The following RBMS3 variants were observed in gnomAD, a reference collection of about 807,000 sequenced individuals.
RBMS3 encodes the protein RNA-binding motif, single-stranded-interacting protein 3.
Under a neutral mutation model 66.8 loss-of-function variants are expected in RBMS3, and 27 were observed. That is an observed-to-expected ratio of 0.40 (90% CI 0.30 to 0.56). The LOEUF is 0.56. RBMS3 is among the 20% of genes least tolerant of loss of function. The pLI, the probability that RBMS3 is intolerant of heterozygous loss-of-function variation, is 0.40. For missense variants in RBMS3, 513 were observed against 549.5 expected, an observed-to-expected ratio of 0.93 and a Z score of 0.66; for synonymous variants, 188 against 183.0, an observed-to-expected ratio of 1.03 and a Z score of -0.22.
At chr3:29,373,408 T>C (rs1361232626) in intron 1 of RBMS3, among the ~76,000 whole-genome samples, 1 of 152,186 alleles carries the variant, frequency 6.6e-6, no homozygotes, top group African/African-American at 2.4e-5. Context: ...TGCACATATG[T>C]AAGGAATAAT....
At chr3:29,286,234 T>G (rs2032318086) in intron 1 of RBMS3, among the ~76,000 whole-genome samples, 1 of 152,114 alleles carries the variant, frequency 6.6e-6, no homozygotes, top group Non-Finnish European at 1.5e-5. Flanking sequence ...CTGTATAGAA[T>G]TTTTAATTGG....
chr3:29,432,797 C>A (rs1190861427), intron 1 of RBMS3, among the ~76,000 whole-genome samples: 1 of 152,130 alleles, frequency 6.6e-6, no homozygotes, highest in Non-Finnish European at 1.5e-5. Context: ...TGGATTAGAG[C>A]CAGCCGAGTA....
chr3:29,630,195 C>G (rs1414186601), intron 4 of RBMS3, among the ~76,000 whole-genome samples: 1 of 151,900 alleles, frequency 6.6e-6, no homozygotes, highest in Non-Finnish European at 1.5e-5. Context: ...TTAATAGTCC[C>G]TTTCACAAAA....
At chr3:29,355,426 C>G (rs1444309287) in intron 1 of RBMS3, among the ~76,000 whole-genome samples, 1 of 151,994 alleles carries the variant, frequency 6.6e-6, no homozygotes, top group African/African-American at 2.4e-5. Flanking sequence ...CTGCTTAGTT[C>G]CCATTTGTCA....
At chr3:29,483,452 C>A (rs1255793085) in intron 2 of RBMS3, among the ~76,000 whole-genome samples, 1 of 152,086 alleles carries the variant, frequency 6.6e-6, no homozygotes, top group Non-Finnish European at 1.5e-5. Context: ...GCAGTATCAA[C>A]CTTACCTGGG....
At position 29,363,799 on chromosome 3, in the gene RBMS3, T is replaced by TA. The variant is rs35770680; in HGVS notation, c.76-70928dup. Among the ~76,000 whole-genome samples, 1,200 of 142,844 alleles carry TA rather than the reference T, an allele frequency of 8.4e-3. 13 individuals carry two copies. The highest frequency in any genetic ancestry group is 0.021 in the Middle Eastern group (6 of 280). The allele number at this position is 142,844 out of a possible 152,430, so 93.7% of individuals were successfully genotyped here. On this transcript the variant is annotated intron_variant, in intron 1 of 14. Coordinates refer to ENST00000383767, the MANE Select transcript of RBMS3 (RefSeq NM_001003793.3). ...AGTGAGACTCTGTCTCAAAAACAAT[T>TA]AAAAAAAAAAAAAAAACCTGTTTTT... is the stretch of plus-strand genomic sequence containing the variant.
intron 4 of RBMS3, among the ~76,000 whole-genome samples, chr3:29,667,617 A>G (rs1212120517): frequency 1.3e-5 from 2 of 152,216 alleles, no homozygotes; most frequent in African/African-American, 4.8e-5. Flanking sequence ...GTTTCCTCCC[A>G]TAGAAGAAAT....
intron 1 of RBMS3, among the ~76,000 whole-genome samples, chr3:29,420,051 T>G (rs1257317574): frequency 6.6e-6 from 1 of 152,178 alleles, no homozygotes; most frequent in Non-Finnish European, 1.5e-5. Context: ...CTCTGAGAGC[T>G]TACAGTAGAC....
chr3:29,971,364 T>C (rs1192252523), intron 12 of RBMS3, among the ~76,000 whole-genome samples: 1 of 149,142 alleles, frequency 6.7e-6, no homozygotes, highest in Non-Finnish European at 1.5e-5. Context: ...TTTGTCCTAA[T>C]ACACTTGTTT....
chr3:29,914,608 A>T (rs1320892651), intron 10 of RBMS3, among the ~76,000 whole-genome samples: 1 of 151,742 alleles, frequency 6.6e-6, no homozygotes, highest in Non-Finnish European at 1.5e-5. Flanking sequence ...TAGCAACCCA[A>T]TTATGCTTTT....
At chr3:29,813,908 C>A (rs1231310397) in intron 6 of RBMS3, among the ~76,000 whole-genome samples, 5 of 152,126 alleles carry the variant, frequency 3.3e-5, no homozygotes, top group Non-Finnish European at 5.9e-5. Flanking sequence ...TCTAGATATA[C>A]AATCATGTCG....
intron 1 of RBMS3, among the ~76,000 whole-genome samples, chr3:29,388,144 A>T (rs1203294542): frequency 6.6e-6 from 1 of 152,152 alleles, no homozygotes; most frequent in Non-Finnish European, 1.5e-5. Flanking sequence ...TATATTAAAA[A>T]ATACATGTGT....
chr3:29,545,873 A>C (rs2045930106), intron 3 of RBMS3, among the ~76,000 whole-genome samples: 1 of 152,146 alleles, frequency 6.6e-6, no homozygotes, highest in African/African-American at 2.4e-5. Flanking sequence ...CCCCACAGCT[A>C]TGGCCATCTC....
intron 1 of RBMS3, among the ~76,000 whole-genome samples, chr3:29,337,381 A>G (rs2036015052): frequency 6.6e-6 from 1 of 152,120 alleles, no homozygotes; most frequent in African/African-American, 2.4e-5. Flanking sequence ...GCTCAAGCCT[A>G]TAATCCCAGC....
At chr3:29,411,262 C>T (rs1279081588) in intron 1 of RBMS3, among the ~76,000 whole-genome samples, 3 of 152,172 alleles carry the variant, frequency 2.0e-5, no homozygotes, top group African/African-American at 7.2e-5. Flanking sequence ...ATGGTAATCT[C>T]ACCTCCTGGG....
chr3:29,376,665 T>G (rs539803037), intron 1 of RBMS3, among the ~76,000 whole-genome samples: 65 of 152,186 alleles, frequency 4.3e-4, no homozygotes, highest in Admixed American at 1.2e-3. Context: ...CCCAGCACTT[T>G]GGGAGGCCGA....
intron 10 of RBMS3, chr3:29,903,218 C>T (rs968461735): frequency 6.6e-6 from 1 of 151,886 alleles, no homozygotes; most frequent in Non-Finnish European, 1.5e-5. Flanking sequence ...ATTTCTGTTA[C>T]TGGACCCTGG....
At chr3:29,587,371 A>T (rs1392165894) in intron 4 of RBMS3, among the ~76,000 whole-genome samples, 166 bp downstream of exon 4, 1 of 151,174 alleles carries the variant, frequency 6.6e-6, no homozygotes, top group East Asian at 1.9e-4. Flanking sequence ...GTTTGCAACA[A>T]TTTGGTTTAT....
chr3:29,401,648 G>A (rs184149741), intron 1 of RBMS3, among the ~76,000 whole-genome samples: 2 of 152,210 alleles, frequency 1.3e-5, no homozygotes, highest in South Asian at 2.1e-4. Flanking sequence ...AGGAGCATGG[G>A]CATATAGAAT....
Sources: allele counts gnomAD v4.1 joint callset (sites outside exome capture counted in the v4.1 genomes callset), GRCh38; gene constraint gnomAD v4.1.1; transcripts MANE v1.5; gene names NCBI Gene and HGNC (gene_info 2026-07-23, HGNC 2026-07-21).